The following GHR variants were observed in gnomAD, a reference collection of about 807,000 sequenced individuals.
GHR encodes GH receptor.
Under a neutral mutation model 67.1 loss-of-function variants are expected in GHR, and 35 were observed. The ratio of observed to expected loss-of-function variants is 0.52; its 90% CI spans 0.40 to 0.69. The LOEUF (loss-of-function observed/expected upper bound fraction) is 0.69, where lower values mean the gene tolerates loss of function less well. Ranked by LOEUF, GHR falls within the 30% of genes least tolerant of loss-of-function variation. GHR has a pLI of 0.00. For missense variants in GHR, 792 were observed against 764.6 expected (o/e 1.04, Z -0.42); for synonymous variants, 272 against 269.1 (o/e 1.01, Z -0.10).
intron 1 of GHR, among the ~76,000 whole-genome samples, chr5:42,448,464 T>A (rs955513323): frequency 2.6e-5 from 4 of 152,010 alleles, no homozygotes; most frequent in Non-Finnish European, 4.4e-5. Context: ...CTTGCTAATT[T>A]GTTTGAGTTC....
At chr5:42,560,669 C>T (rs137948738) in intron 1 of GHR, among the ~76,000 whole-genome samples, 13 of 152,066 alleles carry the variant, frequency 8.5e-5, no homozygotes, top group Admixed American at 8.5e-4. Flanking sequence ...TCCCACTAGC[C>T]GTTTCTCACA....
At chr5:42,548,970 T>G (rs1288099177) in intron 1 of GHR, among the ~76,000 whole-genome samples, 1 of 152,228 alleles carries the variant, frequency 6.6e-6, no homozygotes, top group East Asian at 1.9e-4. Flanking sequence ...CTTAAGGGTT[T>G]TAATTCTGTT....
chr5:42,526,328 G>C (rs1179194349), intron 1 of GHR, among the ~76,000 whole-genome samples: 1 of 152,184 alleles, frequency 6.6e-6, no homozygotes, highest in Admixed American at 6.5e-5. Flanking sequence ...TTTTATGTAA[G>C]CTGAGAGAGA....
At chr5:42,680,096 A>G (rs77865375) in intron 3 of GHR, among the ~76,000 whole-genome samples, 2,415 of 152,322 alleles carry the variant, frequency 0.016, 23 homozygotes, top group Middle Eastern at 0.051. Context: ...ATTTTACCCA[A>G]AGCCTATGCA....
intron 2 of GHR, among the ~76,000 whole-genome samples, chr5:42,571,865 G>A (rs943062806): frequency 1.3e-5 from 2 of 152,148 alleles, no homozygotes; most frequent in Admixed American, 1.3e-4. Flanking sequence ...TTGACATAAC[G>A]TATTTGGTGT....
In GHR at chr5:42,498,846, A is replaced by G. The variant is rs77640554; in HGVS notation, c.-11-67018A>G. Among the ~76,000 whole-genome samples, 36 of 152,360 alleles carry G rather than the reference A, an allele frequency of 2.4e-4. No homozygotes were observed. The East Asian group carries it at 6.6e-3, about 28-fold the overall frequency. ...AAAATGTGCTCTATAGGTACAGAGCAGGAGATAATCATTATTAATAGGCAA... is the reference window on the plus strand; with the variant it reads ...AAAATGTGCTCTATAGGTACAGAGCGGGAGATAATCATTATTAATAGGCAA... On this transcript the variant is annotated intron_variant, in intron 1 of 9. Transcript: ENST00000230882.
At chr5:42,465,985 T>C in intron 1 of GHR, 1 of 640,340 alleles carries the variant, frequency 1.6e-6, no homozygotes, top group Non-Finnish European at 2.8e-6. Flanking sequence ...CAGGTCTTCT[T>C]CCAACTTGTC....
At chr5:42,647,676 A>G (rs1178227742) in intron 3 of GHR, 1 of 451,144 alleles carries the variant, frequency 2.2e-6, no homozygotes, top group East Asian at 7.1e-5. Flanking sequence ...AGCCTAATGC[A>G]GAGTAGAGAA....
chr5:42,720,017 C>T lies in GHR; in HGVS notation c.*593C>T. 5.9e-6 allele frequency: 1 copy of T among 170,050 alleles called. No homozygotes were observed. Among genetic ancestry groups the T allele is most frequent in the South Asian group, 1.6e-4 (1 of 6,420 alleles). The allele number at this position is 170,050 out of a possible 1,614,324, so 10.5% of individuals were successfully genotyped here. ...TGGCTATTTTATATTACACTACACACTGTGTACTGCAGTTGGTATGACCCC... is the reference window on the plus strand; with the variant it reads ...TGGCTATTTTATATTACACTACACATTGTGTACTGCAGTTGGTATGACCCC... On this transcript the variant is annotated 3_prime_UTR_variant, in exon 10 of 10. Transcript: ENST00000230882.
At chr5:42,529,200 A>G (rs1747846179) in intron 1 of GHR, among the ~76,000 whole-genome samples, 1 of 152,016 alleles carries the variant, frequency 6.6e-6, no homozygotes, top group African/African-American at 2.4e-5. Flanking sequence ...TTCAGTAGAA[A>G]CGGGGTTTCA....
intron 3 of GHR, among the ~76,000 whole-genome samples, chr5:42,681,771 C>T (rs1158958825): frequency 6.6e-6 from 1 of 151,854 alleles, no homozygotes; most frequent in East Asian, 1.9e-4. Flanking sequence ...CCCATCTCTA[C>T]TAAAAATACA....
At chr5:42,717,578 A>G (rs1758781236) in intron 8 of GHR, among the ~76,000 whole-genome samples, 1 of 152,250 alleles carries the variant, frequency 6.6e-6, no homozygotes, top group East Asian at 1.9e-4. Flanking sequence ...TATATGGCTA[A>G]CCTACCCAAG....
chr5:42,496,611 T>C (rs545543828), intron 1 of GHR, among the ~76,000 whole-genome samples: 43 of 152,256 alleles, frequency 2.8e-4, no homozygotes, highest in African/African-American at 9.9e-4. Flanking sequence ...TCCCACAGAA[T>C]ACTTGTTATA....
chr5:42,663,148 CGAA>C (rs1467195581), intron 3 of GHR, among the ~76,000 whole-genome samples: 10 of 152,134 alleles, frequency 6.6e-5, no homozygotes, highest in African/African-American at 1.9e-4. Flanking sequence ...GATTCACAGC[CGAA>C]TTCTACCAGA....
At chr5:42,534,752 G>A (rs934967041) in intron 1 of GHR, among the ~76,000 whole-genome samples, 2 of 152,004 alleles carry the variant, frequency 1.3e-5, no homozygotes, top group Non-Finnish European at 2.9e-5. Flanking sequence ...TTCCATAGTG[G>A]CTGTACTAGT....
intron 1 of GHR, among the ~76,000 whole-genome samples, chr5:42,478,910 T>C (rs1240537413): frequency 6.6e-6 from 1 of 152,194 alleles, no homozygotes; most frequent in East Asian, 1.9e-4. Context: ...GGCCAGAACT[T>C]CCAACACTAT....
chr5:42,659,003 C>T (rs1755416277), intron 3 of GHR, among the ~76,000 whole-genome samples: 1 of 152,066 alleles, frequency 6.6e-6, no homozygotes, highest in Non-Finnish European at 1.5e-5. Flanking sequence ...TAAGGCATTG[C>T]AATATATAAG....
Position 42,525,026 on chromosome 5 carries a change from C to A in GHR, c.-11-40838C>A, listed in dbSNP as rs145867598. On this transcript the variant is annotated intron_variant, in intron 1 of 9. Coordinates refer to ENST00000230882, the MANE Select transcript of GHR (RefSeq NM_000163.5). ...CCCTCATGGAGAACCTGTGCTAGGGCAGTGCAGAAAGGAAATGTGGGGTCA... is the reference window on the plus strand; with the variant it reads ...CCCTCATGGAGAACCTGTGCTAGGGAAGTGCAGAAAGGAAATGTGGGGTCA... 5.6e-3 allele frequency among the ~76,000 whole-genome samples: 853 copies of A among 152,316 alleles called. 8 individuals are homozygous for A. The highest frequency in any genetic ancestry group is 0.02 in the African/African-American group (811 of 41,570).
At chr5:42,474,341 A>AAAGAAAGAAAGAAAGAAAGAAAG (rs1561325771) in intron 1 of GHR, among the ~76,000 whole-genome samples, 6 of 127,336 alleles carry the variant, frequency 4.7e-5, no homozygotes, top group African/African-American at 1.7e-4. Context: ...AAGAAAGAAA[A>AAAGAAAGAAAGAAAGAAAGAAAG]GAAATAAAGA....
Sources: gnomAD v4.1 joint callset for allele counts (sites outside exome capture counted in the v4.1 genomes callset) on GRCh38, gnomAD v4.1.1 for gene constraint, MANE v1.5 for transcripts, NCBI Gene and HGNC (gene_info 2026-07-23, HGNC 2026-07-21) for gene names.